Variants in PSKH2 observed in about 807,000 individuals in gnomAD.
PSKH2 encodes the protein serine/threonine-protein kinase H2.
A neutral mutation model predicts 22.5 loss-of-function variants in PSKH2; 16 were observed. The ratio of observed to expected loss-of-function variants is 0.71; its 90% CI spans 0.48 to 1.08. The LOEUF (loss-of-function observed/expected upper bound fraction) is 1.08, where lower values mean the gene tolerates loss of function less well. PSKH2 is among the 50% of genes least tolerant of loss of function. The pLI is 0.00. For synonymous variants in PSKH2, 188 were observed against 184.8 expected (o/e 1.02, Z -0.14); for missense variants, 516 against 492.8 (o/e 1.05, Z -0.44).
chr8:86,050,700 T>A (rs943300792), intron 2 of PSKH2, among the ~76,000 whole-genome samples: 1 of 152,174 alleles, frequency 6.6e-6, no homozygotes, highest in Non-Finnish European at 1.5e-5. Context: ...AGAGAAACAT[T>A]GAGAAAATTG....
intron 2 of PSKH2, among the ~76,000 whole-genome samples, chr8:86,049,688 AAGAAAGAAAGAAAGAAAGAAAGAAAG>A (rs1414652059): frequency 7.5e-4 from 9 of 11,978 alleles, no homozygotes; most frequent in South Asian, 5.9e-3. Flanking sequence ...GAAAGAAAGA[AAGAAAGAAAGAAAGAAAGAAAGAAAG>A]AAAGAAAGAA....
intron 2 of PSKH2, among the ~76,000 whole-genome samples, chr8:86,055,980 CTGTG>C (rs55968832): frequency 1.3e-4 from 20 of 149,796 alleles, no homozygotes; most frequent in Admixed American, 2.0e-4. Flanking sequence ...ATGTGTGTGT[CTGTG>C]TGTGTGTGTG....
chr8:86,067,651 A>G (rs186306006), intron 1 of PSKH2, among the ~76,000 whole-genome samples: 33 of 152,194 alleles, frequency 2.2e-4, no homozygotes, highest in Admixed American at 3.3e-4. Context: ...GGAATTTTTG[A>G]ACATAGATTA....
In PSKH2 at chr8:86,064,379, A is replaced by G; in HGVS notation, c.438T>C (p.Phe146=). Reference sequence around the variant, plus strand: ...AGGATCCCTGAGCAATGAGTCGATCAAAGAGCTCCCCTCCGGTAGCCAGCT... The same window carrying G: ...AGGATCCCTGAGCAATGAGTCGATCGAAGAGCTCCCCTCCGGTAGCCAGCT... ...VMELATGGEL[F]DRLIAQGSFT... The change falls in exon 2 of 3, where the codon TTT becomes TTC. Residue 146 remains phenylalanine, a synonymous_variant. Coordinates refer to ENST00000276616, the MANE Select transcript of PSKH2 (RefSeq NM_033126.3). The G allele has an allele frequency of 6.2e-7, 1 of 1,614,188 alleles. No homozygotes were observed. The highest frequency in any genetic ancestry group is 8.5e-7 in the Non-Finnish European group (1 of 1,180,032).
At chr8:86,067,114 G>T (rs1817876353) in intron 1 of PSKH2, among the ~76,000 whole-genome samples, 1 of 152,040 alleles carries the variant, frequency 6.6e-6, no homozygotes, top group African/African-American at 2.4e-5. Flanking sequence ...TCAAATAAAA[G>T]AAGCTTTATT....
chr8:86,053,389 T>G (rs932368833), intron 2 of PSKH2, among the ~76,000 whole-genome samples: 2 of 152,158 alleles, frequency 1.3e-5, no homozygotes, highest in African/African-American at 4.8e-5. Context: ...GTTTTCTGCA[T>G]CAGCTTCCAA....
intron 2 of PSKH2, among the ~76,000 whole-genome samples, chr8:86,062,924 T>C (rs1817799930): frequency 6.6e-6 from 1 of 152,280 alleles, no homozygotes; most frequent in African/African-American, 2.4e-5. Context: ...TGTTTTATCT[T>C]TATGAATTTG....
rs907135747 is a variant in PSKH2 at position 86,047,901 on chromosome 8, A to G, written c.*561T>C. ...TATTTTTCCCGTGAATAATGCCCCA[A>G]TTAGACTAAAAGTTTCTGATAGATT... On this transcript the variant is annotated 3_prime_UTR_variant, in exon 3 of 3. Transcript: ENST00000276616. Among the ~76,000 whole-genome samples the G allele has an allele frequency of 5.3e-5, 8 of 152,120 alleles. No homozygotes were observed. The highest frequency in any genetic ancestry group is 1.9e-4 in the African/African-American group (8 of 41,436).
intron 2 of PSKH2, among the ~76,000 whole-genome samples, chr8:86,052,678 A>T (rs1817649413): frequency 6.6e-6 from 1 of 152,208 alleles, no homozygotes; most frequent in African/African-American, 2.4e-5. Flanking sequence ...TTATCCAATA[A>T]TTCTCAAACC....
Position 86,064,483 on chromosome 8 carries a change from G to A in PSKH2, c.334C>T (p.Leu112=). 1.2e-6 allele frequency: 2 copies of A among 1,613,878 alleles called. No individual in the cohort carries two copies. Among genetic ancestry groups the A allele is most frequent in the Admixed American group, 1.7e-5 (1 of 59,968 alleles). ...REACVSELSV[L]RRVSHRYIVQ... is the part of the protein sequence containing the mutation. The stretch of plus-strand genomic sequence containing the variant: ...ATGTAACGATGGCTAACCCGCCGCA[G>A]GACGCTCAGCTCAGACACGCACGCT... Residue 112 remains leucine, a synonymous_variant, in exon 2 of 3, where the codon CTG becomes TTG. Coordinates refer to ENST00000276616, the MANE Select transcript of PSKH2 (RefSeq NM_033126.3).
intron 2 of PSKH2, among the ~76,000 whole-genome samples, chr8:86,062,712 A>G (rs1264180462): frequency 6.6e-6 from 1 of 152,202 alleles, no homozygotes; most frequent in East Asian, 1.9e-4. Context: ...ACTGTGAGAC[A>G]GCTAAACCTT....
intron 2 of PSKH2, among the ~76,000 whole-genome samples, chr8:86,059,335 C>T (rs982743339): frequency 1.3e-5 from 2 of 150,578 alleles, no homozygotes; most frequent in Non-Finnish European, 2.9e-5. Context: ...AAAAGAAAAC[C>T]TTTCTGAAAA....
chr8:86,064,677 T>A (rs373055808), intron 1 of PSKH2, 46 bp from the exon 2 acceptor site: 18 of 1,453,004 alleles, frequency 1.2e-5, no homozygotes, highest in Non-Finnish European at 1.6e-5. Flanking sequence ...AAGTGATGAT[T>A]CTCAAAATTA....
Position 86,069,547 on chromosome 8 carries a change from G to C in PSKH2, c.76C>G (p.Gln26Glu), listed in dbSNP as rs1262701393. Residue 26 changes from glutamine (Q) to glutamate (E), a missense_variant, in exon 1 of 3, where the codon CAA (glutamine) becomes GAA (glutamate). Transcript: ENST00000276616. ...GGCCCCGCGCCTCCGACGCCGGCTTGGTTTTGACCTTCGTGCTTGGCCCAA... is the reference window on the plus strand; with the variant it reads ...GGCCCCGCGCCTCCGACGCCGGCTTCGTTTTGACCTTCGTGCTTGGCCCAA... ...LAWAKHEGQN[Q>E]AGVGGAGPGP... is the part of the protein sequence containing the mutation. 1.2e-6 allele frequency: 2 copies of C among 1,608,550 alleles called. No homozygotes were observed. Among genetic ancestry groups the C allele is most frequent in the Admixed American group, 1.7e-5 (1 of 59,604 alleles).
At chr8:86,067,979 C>T (rs1817889142) in intron 1 of PSKH2, among the ~76,000 whole-genome samples, 1 of 152,176 alleles carries the variant, frequency 6.6e-6, no homozygotes, top group Admixed American at 6.5e-5. Flanking sequence ...CTCTATGGGG[C>T]TGGGTCTACC....
Position 86,049,767 on chromosome 8 carries a change from G to GAA in PSKH2, c.853-1001_853-1000insTT, listed in dbSNP as rs1480108410. 2.4e-5 allele frequency among the ~76,000 whole-genome samples: 3 copies of GAA among 124,206 alleles called. 1 individual carries two copies. Among genetic ancestry groups the GAA allele is most frequent in the African/African-American group, 2.7e-5 (1 of 36,738 alleles). The allele number at this position is 124,206 out of a possible 152,430, so 81.5% of individuals were successfully genotyped here. ...GAAAGAAACGAAAGAAAGAAAGAAA[G>GAA]AGAAAAGAAAGAAAAAGAAAGGAAG... On this transcript the variant is annotated intron_variant, in intron 2 of 2. Transcript: ENST00000276616.
intron 2 of PSKH2, among the ~76,000 whole-genome samples, chr8:86,049,235 G>A (rs1817575329): frequency 6.6e-6 from 1 of 152,114 alleles, no homozygotes; most frequent in African/African-American, 2.4e-5. Context: ...GGAATGGATT[G>A]AGAAATCATC....
rs6998760 is a variant in PSKH2, at chr8:86,064,291, C to A, written c.526G>T (p.Ala176Ser). ...AGATTCCTATGAGTTATCTGCAGCGCATGCAAATACCTAATCCCATCAGCA... is the reference window on the plus strand; with the variant it reads ...AGATTCCTATGAGTTATCTGCAGCGAATGCAAATACCTAATCCCATCAGCA... Reference protein sequence around the residue: ...MVADGIRYLHALQITHRNLKP... With the variant: ...MVADGIRYLHSLQITHRNLKP... The change falls in exon 2 of 3, where the codon GCG (alanine) becomes TCG (serine). Residue 176 changes from alanine to serine, a missense_variant. Transcript: ENST00000276616. The A allele has an allele frequency of 0.36, 574,985 of 1,613,652 alleles. 106,121 individuals are homozygous for A. Among genetic ancestry groups the A allele is most frequent in the East Asian group, 0.47 (21,172 of 44,854 alleles).
chr8:86,069,917 A>C (rs959585764), upstream of PSKH2, among the ~76,000 whole-genome samples: 2 of 152,192 alleles, frequency 1.3e-5, no homozygotes, highest in African/African-American at 4.8e-5. Flanking sequence ...TAACCTGACA[A>C]AGTGAACATA....
Sources: gnomAD v4.1 joint callset for allele counts (sites outside exome capture counted in the v4.1 genomes callset) on GRCh38, gnomAD v4.1.1 for gene constraint, MANE v1.5 for transcripts, NCBI Gene and HGNC (gene_info 2026-07-23, HGNC 2026-07-21) for gene names.